Variants in CATSPERE observed in about 807,000 individuals in gnomAD.
The protein encoded by CATSPERE is catsper channel auxiliary subunit epsilon, also known as cation channel sperm-associated auxiliary subunit epsilon.
Under a neutral mutation model 114.1 loss-of-function variants are expected in CATSPERE, and 93 were observed. That is an observed-to-expected ratio of 0.81 (90% CI 0.69 to 0.97). CATSPERE has a LOEUF of 0.97. CATSPERE is among the 50% of genes least tolerant of loss of function. CATSPERE has a pLI of 0.00. For synonymous variants in CATSPERE, 341 were observed against 384.1 expected (o/e 0.89, Z 1.31); for missense variants, 1,058 against 1,131.6 (o/e 0.93, Z 0.93).
intron 10 of CATSPERE, among the ~76,000 whole-genome samples, chr1:244,567,194 A>T (rs1336535713): frequency 6.6e-6 from 1 of 152,200 alleles, no homozygotes; most frequent in Non-Finnish European, 1.5e-5. Flanking sequence ...TCTGGCTTGT[A>T]GGGTTTCTGC....
At chr1:244,514,849 AAG>A (rs1491414014) in intron 7 of CATSPERE, among the ~76,000 whole-genome samples, 10 of 151,342 alleles carry the variant, frequency 6.6e-5, no homozygotes, top group African/African-American at 2.4e-4. Context: ...AAAAAAAAAA[AAG>A]AGTGCCTGGA....
At chr1:244,585,184 C>G (rs1666861027) in intron 13 of CATSPERE, among the ~76,000 whole-genome samples, 1 of 152,196 alleles carries the variant, frequency 6.6e-6, no homozygotes, top group Non-Finnish European at 1.5e-5. Context: ...GGGTAGGCTA[C>G]TTACTCTGAG....
intron 18 of CATSPERE, among the ~76,000 whole-genome samples, chr1:244,610,021 G>A (rs1670499734): frequency 6.6e-6 from 1 of 152,082 alleles, no homozygotes; most frequent in African/African-American, 2.4e-5. Context: ...CTGCAGCCTG[G>A]GCAACAGAGT....
intron 1 of CATSPERE, among the ~76,000 whole-genome samples, chr1:244,462,382 T>A (rs1666960995): frequency 6.6e-6 from 1 of 152,194 alleles, no homozygotes; most frequent in African/African-American, 2.4e-5. Context: ...AATTAATAAA[T>A]TAAACGTGAC....
upstream of CATSPERE, among the ~76,000 whole-genome samples, chr1:244,458,654 A>C (rs1666373512): frequency 6.6e-6 from 1 of 152,264 alleles, no homozygotes; most frequent in Non-Finnish European, 1.5e-5. Context: ...ACAAGTGAGT[A>C]AAATATACTC....
chr1:244,452,125 C>A (rs2148025726), upstream of CATSPERE: 1 of 243,818 alleles, frequency 4.1e-6, no homozygotes, highest in African/African-American at 2.2e-5. Context: ...GCCTGGCGCG[C>A]CACTCCCGTG....
intron 7 of CATSPERE, among the ~76,000 whole-genome samples, chr1:244,502,371 AAAGTT>A (rs899137773): frequency 3.3e-5 from 5 of 152,130 alleles, no homozygotes; most frequent in Non-Finnish European, 5.9e-5. Flanking sequence ...TAAACACTAT[AAAGTT>A]GAGTTTTTGT....
upstream of CATSPERE, chr1:244,457,397 T>A (rs549549975): frequency 6.6e-6 from 1 of 152,376 alleles, no homozygotes; most frequent in East Asian, 1.9e-4. Context: ...GCATTAAAGA[T>A]GCACATGAAA....
At chr1:244,453,055 A>G (rs1045515160), upstream of CATSPERE, among the ~76,000 whole-genome samples, 2 of 152,230 alleles carry the variant, frequency 1.3e-5, no homozygotes, top group African/African-American at 2.4e-5. Context: ...TAAGTCAGGA[A>G]CATTGAGAAC....
chr1:244,621,299 A>ATATATCTATATAGATATATC lies in CATSPERE; in HGVS notation c.2648+3618_2648+3619insCTATATAGATATATCTATAT, dbSNP rs554565080. 6.9e-4 allele frequency among the ~76,000 whole-genome samples: 60 copies of ATATATCTATATAGATATATC among 86,600 alleles called. 4 individuals are homozygous for ATATATCTATATAGATATATC. Among genetic ancestry groups the ATATATCTATATAGATATATC allele is most frequent in the African/African-American group, 2.9e-3 (59 of 20,680 alleles). The allele number at this position is 86,600 out of a possible 152,430, so 56.8% of individuals were successfully genotyped here. On this transcript the variant is annotated intron_variant, in intron 20 of 21. Coordinates refer to ENST00000366534, the MANE Select transcript of CATSPERE (RefSeq NM_001130957.2). ...TATCTATATAGATATATCTATATAA[A>ATATATCTATATAGATATATC]TATATAAATATATAAAATATATATA...
chr1:244,554,579 G>T (rs541588275), intron 9 of CATSPERE, among the ~76,000 whole-genome samples: 6 of 152,110 alleles, frequency 3.9e-5, no homozygotes, highest in African/African-American at 1.2e-4. Flanking sequence ...CATTCAACAG[G>T]GTAAAATGAT....
At chr1:244,613,774 T>C (rs1460434017) in intron 19 of CATSPERE, among the ~76,000 whole-genome samples, 1 of 152,194 alleles carries the variant, frequency 6.6e-6, no homozygotes, top group Non-Finnish European at 1.5e-5. Context: ...ATGTTTTGAA[T>C]TTTTGTCCCT....
At position 244,624,242 on chromosome 1, in the gene CATSPERE, A is replaced by AT. The variant is rs1573068220; in HGVS notation, c.2648+6558dup. On this transcript the variant is annotated intron_variant, in intron 20 of 21. Transcript: ENST00000366534. ...CACCTCGGCCTCCCAACGTGCTGGG[A>AT]TTACAGGCGTGAGCCACCACGCCTG... Among the ~76,000 whole-genome samples the AT allele has an allele frequency of 2.7e-5, 4 of 150,074 alleles. No homozygotes were observed. In the East Asian group the frequency reaches 7.9e-4, roughly 30 times the overall value.
At chr1:244,460,415 G>A (rs776574198), upstream of CATSPERE, among the ~76,000 whole-genome samples, 3 of 152,032 alleles carry the variant, frequency 2.0e-5, no homozygotes, top group Non-Finnish European at 2.9e-5. Context: ...CCCCACCCAG[G>A]AAGTGACTCA....
chr1:244,626,650 T>C (rs1673242083), intron 20 of CATSPERE, among the ~76,000 whole-genome samples: 1 of 152,184 alleles, frequency 6.6e-6, no homozygotes, highest in Admixed American at 6.5e-5. Context: ...ACTTGCTGCT[T>C]TGCCTTGTAA....
At chr1:244,625,696 A>G (rs929517917) in intron 20 of CATSPERE, among the ~76,000 whole-genome samples, 22 of 150,196 alleles carry the variant, frequency 1.5e-4, no homozygotes, top group African/African-American at 5.4e-4. Flanking sequence ...CAAAGTGCTG[A>G]GATTACAGGT....
upstream of CATSPERE, chr1:244,461,262 C>A (rs1308167842): frequency 2.0e-6 from 1 of 498,452 alleles, no homozygotes; most frequent in Non-Finnish European, 3.1e-6. Context: ...GCGGCGCGCA[C>A]GCGCACGCGC....
chr1:244,549,973 G>A lies in CATSPERE; in HGVS notation c.537-2349G>A, dbSNP rs888876743. Among the ~76,000 whole-genome samples the A allele has an allele frequency of 3.9e-5, 6 of 152,128 alleles. 1 individual carries two copies. The highest frequency in any genetic ancestry group is 7.4e-5 in the Non-Finnish European group (5 of 68,026). On this transcript the variant is annotated intron_variant, in intron 8 of 21. Transcript: ENST00000366534. Reference sequence around the variant, plus strand: ...AAGGGCAAAAGAAGAGCGAATGCACGCTGTCTTCTTGAGTTGCAACATCCA... The same window carrying A: ...AAGGGCAAAAGAAGAGCGAATGCACACTGTCTTCTTGAGTTGCAACATCCA...
chr1:244,492,904 C>T (rs1325245819), intron 6 of CATSPERE, among the ~76,000 whole-genome samples: 1 of 149,660 alleles, frequency 6.7e-6, no homozygotes, highest in Non-Finnish European at 1.5e-5. Flanking sequence ...TGAAGGACCT[C>T]TTCAAGGAGA....
Sources: gnomAD v4.1 joint callset for allele counts (sites outside exome capture counted in the v4.1 genomes callset) on GRCh38, gnomAD v4.1.1 for gene constraint, MANE v1.5 for transcripts, NCBI Gene and HGNC (gene_info 2026-07-23, HGNC 2026-07-21) for gene names.